The following SCUBE1 variants were observed in gnomAD, a reference collection of about 807,000 sequenced individuals.
SCUBE1 encodes the protein signal peptide, CUB and EGF-like domain-containing protein 1.
A neutral mutation model predicts 124.4 loss-of-function variants in SCUBE1; 59 were observed. The observed-to-expected ratio is 0.47, with a 90% CI of 0.38 to 0.59. The LOEUF (loss-of-function observed/expected upper bound fraction) is 0.59. SCUBE1 is among the 20% of genes least tolerant of loss of function. The pLI is 0.00. For missense variants in SCUBE1, 1,150 were observed against 1,371.2 expected, an observed-to-expected ratio of 0.84 and a Z score of 2.55; for synonymous variants, 545 against 550.9, an observed-to-expected ratio of 0.99 and a Z score of 0.15.
At position 43,309,849 on chromosome 22, in the gene SCUBE1, G is replaced by A. The variant is rs553937574; in HGVS notation, c.349+10088C>T. ...CATATCTCATCCACTGGCTGCTCCC[G>A]TCAACTGTTTTCAAAATACACTGTG... On this transcript the variant is annotated intron_variant, in intron 3 of 21. Coordinates refer to ENST00000360835, the MANE Select transcript of SCUBE1 (RefSeq NM_173050.5). 9.2e-5 allele frequency among the ~76,000 whole-genome samples: 14 copies of A among 152,112 alleles called. 1 individual carries two copies. The highest frequency in any genetic ancestry group is 3.9e-4 in the East Asian group (2 of 5,164).
intron 7 of SCUBE1, 135 bp from the exon 8 acceptor site, chr22:43,232,010 T>G: frequency 3.0e-5 from 29 of 974,750 alleles, no homozygotes; most frequent in East Asian, 9.0e-5. Context: ...AGCTGGCTGC[T>G]GGCTCCCCAG....
intron 1 of SCUBE1, among the ~76,000 whole-genome samples, chr22:43,342,810 C>A (rs1461017551): frequency 2.6e-5 from 4 of 152,016 alleles, no homozygotes; most frequent in African/African-American, 9.7e-5. Flanking sequence ...GCCCGCCCCG[C>A]CCCGCGCCCC....
At chr22:43,285,675 G>A (rs761118523) in intron 4 of SCUBE1, among the ~76,000 whole-genome samples, 3 of 152,162 alleles carry the variant, frequency 2.0e-5, no homozygotes, top group Non-Finnish European at 2.9e-5. Flanking sequence ...TAGACAGGGC[G>A]GGGTGAGGAG....
intron 8 of SCUBE1, among the ~76,000 whole-genome samples, chr22:43,229,910 C>A (rs1922484895): frequency 1.3e-5 from 2 of 152,124 alleles, no homozygotes; most frequent in South Asian, 2.1e-4. Context: ...TTGATGGGGA[C>A]CCCTGAAGGC....
rs191245406 is a variant in SCUBE1 at position 43,279,137 on chromosome 22, G to A, written c.484+11909C>T. On this transcript the variant is annotated intron_variant, in intron 4 of 21. Coordinates refer to ENST00000360835, the MANE Select transcript of SCUBE1 (RefSeq NM_173050.5). Reference sequence around the variant, plus strand: ...CTAAGGGCAAGGGTTTCAGATACAGGCTGCCCCAGACGCTGCTGGGGAGAA... The same window carrying A: ...CTAAGGGCAAGGGTTTCAGATACAGACTGCCCCAGACGCTGCTGGGGAGAA... Among the ~76,000 whole-genome samples, 1,335 of 152,272 alleles carry A rather than the reference G, an allele frequency of 8.8e-3. 15 individuals carry two copies. The highest frequency in any genetic ancestry group is 0.012 in the Non-Finnish European group (805 of 68,010).
chr22:43,321,859 T>TA lies in SCUBE1; in HGVS notation c.221-1795dup, dbSNP rs1031434701. On this transcript the variant is annotated intron_variant, in intron 2 of 21. Transcript: ENST00000360835. ...TCCCTAGTAGCTGGAATTATAGGCATAGGCCACTGTGCCTGGCTCTGGGCT... is the reference window on the plus strand; with the variant it reads ...TCCCTAGTAGCTGGAATTATAGGCATAAGGCCACTGTGCCTGGCTCTGGGCT... 4.7e-4 allele frequency among the ~76,000 whole-genome samples: 71 copies of TA among 152,192 alleles called. 1 individual carries two copies. Among genetic ancestry groups the TA allele is most frequent in the African/African-American group, 1.7e-3 (69 of 41,514 alleles).
At chr22:43,208,008 T>C in intron 20 of SCUBE1, 64 bp downstream of exon 20, 1 of 1,578,572 alleles carries the variant, frequency 6.3e-7, no homozygotes, top group Non-Finnish European at 8.7e-7. Context: ...GTGCGACTCA[T>C]CTCTGTGTCT....
At chr22:43,298,512 G>C (rs568705355) in intron 3 of SCUBE1, among the ~76,000 whole-genome samples, 1 of 152,352 alleles carries the variant, frequency 6.6e-6, no homozygotes, top group African/African-American at 2.4e-5. Flanking sequence ...GCCCAGGGAA[G>C]GCAGAGGTGG....
chr22:43,294,255 G>A (rs1925477544), intron 3 of SCUBE1, among the ~76,000 whole-genome samples: 1 of 152,238 alleles, frequency 6.6e-6, no homozygotes, highest in South Asian at 2.1e-4. Flanking sequence ...TGGGTGGCTT[G>A]AGGCCATGAC....
At chr22:43,289,330 G>C (rs1601863074) in intron 4 of SCUBE1, among the ~76,000 whole-genome samples, 1 of 152,226 alleles carries the variant, frequency 6.6e-6, no homozygotes, top group South Asian at 2.1e-4. Flanking sequence ...TGGCCCCACA[G>C]CCCACAACTG....
At chr22:43,228,799 A>G (rs988761394) in intron 9 of SCUBE1, among the ~76,000 whole-genome samples, 6 of 152,118 alleles carry the variant, frequency 3.9e-5, no homozygotes, top group African/African-American at 1.4e-4. Flanking sequence ...TCTCTAGTAA[A>G]TGGGGTTTCC....
intron 12 of SCUBE1, among the ~76,000 whole-genome samples, chr22:43,222,162 A>G (rs1275030795): frequency 6.6e-6 from 1 of 152,230 alleles, no homozygotes; most frequent in Non-Finnish European, 1.5e-5. Flanking sequence ...CACAACCCTC[A>G]GCTCCTTAGC....
intron 2 of SCUBE1, among the ~76,000 whole-genome samples, chr22:43,322,876 C>T (rs1926604143): frequency 6.6e-6 from 1 of 152,208 alleles, no homozygotes; most frequent in South Asian, 2.1e-4. Flanking sequence ...GAGGTATCTA[C>T]TCCTGAAATA....
intron 8 of SCUBE1, among the ~76,000 whole-genome samples, chr22:43,230,507 C>T (rs917634186): frequency 2.6e-5 from 4 of 152,186 alleles, no homozygotes; most frequent in Non-Finnish European, 4.4e-5. Context: ...ACCTCCTCCT[C>T]GACAGCCGCC....
chr22:43,309,404 A>G (rs1926093477), intron 3 of SCUBE1, among the ~76,000 whole-genome samples: 1 of 152,318 alleles, frequency 6.6e-6, no homozygotes, highest in East Asian at 1.9e-4. Context: ...CAGGGTTCAA[A>G]GCCAGGCAGA....
intron 4 of SCUBE1, among the ~76,000 whole-genome samples, chr22:43,265,795 A>C (rs578194742): frequency 6.6e-6 from 1 of 152,406 alleles, no homozygotes; most frequent in East Asian, 1.9e-4. Flanking sequence ...ATTTAAAAAC[A>C]AGATAAAAAA....
rs1921929319 is a variant in SCUBE1 at position 43,218,320 on chromosome 22, G to A, written c.1826C>T (p.Pro609Leu). 1.2e-6 allele frequency: 2 copies of A among 1,613,426 alleles called. No homozygotes were observed. Among genetic ancestry groups the A allele is most frequent in the Non-Finnish European group, 1.7e-6 (2 of 1,180,046 alleles). The change falls in exon 15 of 22, where the codon CCA becomes CTA. Residue 609 changes from proline (P) to leucine (L), a missense_variant. Physicochemically the swap from Pro to Leu is moderately conservative, Grantham distance 98 (BLOSUM62 -3). Coordinates refer to ENST00000360835, the MANE Select transcript of SCUBE1 (RefSeq NM_173050.5). ...CCCCTGCCCCTCCAGCGCCTTGGCT[G>A]GCCTCTGGGCTACCTCGTACTCAGT... ...SGTEYEVAQRPAKALEGQGAC... is the reference protein window; with the variant it reads ...SGTEYEVAQRLAKALEGQGAC...
intron 10 of SCUBE1, among the ~76,000 whole-genome samples, chr22:43,224,211 G>A (rs56148737): frequency 6.6e-6 from 1 of 152,170 alleles, no homozygotes; most frequent in African/African-American, 2.4e-5. Flanking sequence ...GTCAACCCCC[G>A]GGGCCCACAT....
intron 3 of SCUBE1, among the ~76,000 whole-genome samples, chr22:43,305,148 G>A (rs1350248696): frequency 2.0e-5 from 3 of 152,032 alleles, no homozygotes; most frequent in Admixed American, 1.3e-4. Context: ...GAATACGGAG[G>A]AGAAGCGGCA....
Sources: gnomAD v4.1 joint callset for allele counts (sites outside exome capture counted in the v4.1 genomes callset) on GRCh38, gnomAD v4.1.1 for gene constraint, MANE v1.5 for transcripts, NCBI Gene and HGNC (gene_info 2026-07-23, HGNC 2026-07-21) for gene names.